Variants in RNF214 observed in about 807,000 individuals in gnomAD.
RNF214 encodes ring finger protein 214.
RNF214 carries 25 observed loss-of-function variants against 75.9 expected under a neutral mutation model. The ratio of observed to expected loss-of-function variants is 0.33; its 90% confidence interval spans 0.24 to 0.46. The LOEUF (loss-of-function observed/expected upper bound fraction) is 0.46, where lower values mean the gene tolerates loss of function less well. Ranked by LOEUF, RNF214 falls within the 20% of genes least tolerant of loss-of-function variation. The pLI is 1.00. For missense variants in RNF214, 725 were observed against 857.5 expected (o/e 0.85, Z 1.93); for synonymous variants, 314 against 308.8 (o/e 1.02, Z -0.18).
intron 6 of RNF214, among the ~76,000 whole-genome samples, chr11:117,252,737 G>C (rs1006905909): frequency 6.6e-6 from 1 of 151,636 alleles, no homozygotes; most frequent in African/African-American, 2.4e-5. Context: ...AGCCAGGATG[G>C]TCTCGCTCTC....
intron 6 of RNF214, 59 bp downstream of exon 6, chr11:117,247,007 C>G: frequency 7.7e-7 from 1 of 1,305,102 alleles, no homozygotes; most frequent in South Asian, 2.1e-5. Context: ...AGGGGCCAGA[C>G]CCGTTTGTAT....
intron 6 of RNF214, among the ~76,000 whole-genome samples, chr11:117,264,955 T>C (rs1339060363): frequency 4.0e-5 from 6 of 151,572 alleles, no homozygotes; most frequent in Non-Finnish European, 8.8e-5. Flanking sequence ...TACTCCCAGC[T>C]ACTTGGGGAG....
chr11:117,256,398 G>T (rs2033522990), intron 6 of RNF214, among the ~76,000 whole-genome samples: 1 of 152,170 alleles, frequency 6.6e-6, no homozygotes, highest in Non-Finnish European at 1.5e-5. Context: ...TCAGATGGAT[G>T]GTTCTGTTGG....
intron 6 of RNF214, among the ~76,000 whole-genome samples, chr11:117,254,382 A>G (rs559488107): frequency 2.2e-4 from 33 of 152,252 alleles, no homozygotes; most frequent in African/African-American, 7.7e-4. Flanking sequence ...CTTATTCCCA[A>G]TAAATTTACA....
intron 8 of RNF214, among the ~76,000 whole-genome samples, chr11:117,280,572 C>T (rs987651578): frequency 6.6e-6 from 1 of 152,064 alleles, no homozygotes; most frequent in East Asian, 1.9e-4. Context: ...TTTGGGAGGT[C>T]GAGGCAGGAG....
chr11:117,252,556 T>C (rs2033422966), intron 6 of RNF214, among the ~76,000 whole-genome samples: 1 of 152,184 alleles, frequency 6.6e-6, no homozygotes, highest in South Asian at 2.1e-4. Context: ...AGTCTTGCTT[T>C]GTCGCCCAGG....
chr11:117,245,898 A>G (rs564999883), intron 5 of RNF214, among the ~76,000 whole-genome samples: 2 of 152,326 alleles, frequency 1.3e-5, no homozygotes, highest in East Asian at 1.9e-4. Flanking sequence ...AAAGCAGTTA[A>G]CACATTGATT....
intron 6 of RNF214, among the ~76,000 whole-genome samples, chr11:117,275,543 A>G (rs983509277): frequency 2.0e-5 from 3 of 152,218 alleles, no homozygotes; most frequent in Admixed American, 2.0e-4. Flanking sequence ...TTAGTCAAAA[A>G]TGAAAATAGA....
intron 6 of RNF214, among the ~76,000 whole-genome samples, chr11:117,270,006 C>G (rs540343382): frequency 6.6e-6 from 1 of 152,204 alleles, no homozygotes; most frequent in South Asian, 2.1e-4. Flanking sequence ...CTCTTCTCTT[C>G]TCTGGTAGTG....
chr11:117,240,528 A>G (rs2033047887), intron 4 of RNF214, among the ~76,000 whole-genome samples: 1 of 151,812 alleles, frequency 6.6e-6, no homozygotes, highest in Non-Finnish European at 1.5e-5. Context: ...TCTCTACTAA[A>G]AATACAAAAA....
intron 6 of RNF214, among the ~76,000 whole-genome samples, chr11:117,251,761 C>G (rs2033400271): frequency 6.6e-6 from 1 of 152,058 alleles, no homozygotes; most frequent in Non-Finnish European, 1.5e-5. Flanking sequence ...ATCAGAAAGG[C>G]TTTTATACTG....
intron 1 of RNF214, among the ~76,000 whole-genome samples, chr11:117,233,771 C>T (rs1206180957): frequency 6.6e-6 from 1 of 152,164 alleles, no homozygotes; most frequent in Non-Finnish European, 1.5e-5. Context: ...CTGGATTGCC[C>T]AGTATTGCAT....
intron 6 of RNF214, chr11:117,263,733 C>G (rs2033731500): frequency 6.3e-6 from 1 of 159,954 alleles, no homozygotes; most frequent in Non-Finnish European, 1.4e-5. Flanking sequence ...AAATTATGGG[C>G]AAGCGAGGGG....
chr11:117,279,124 C>A (rs571571727), intron 6 of RNF214, among the ~76,000 whole-genome samples: 2 of 152,156 alleles, frequency 1.3e-5, no homozygotes, highest in African/African-American at 4.8e-5. Context: ...AAAAAGTGGA[C>A]CCCTGTGTTT....
chr11:117,277,610 A>G (rs1243031248), intron 6 of RNF214, among the ~76,000 whole-genome samples: 1 of 152,218 alleles, frequency 6.6e-6, no homozygotes, highest in East Asian at 1.9e-4. Flanking sequence ...TCTGTTAAGT[A>G]GATTGCTCTC....
intron 6 of RNF214, among the ~76,000 whole-genome samples, chr11:117,265,762 A>G (rs1357692263): frequency 1.3e-5 from 2 of 152,188 alleles, no homozygotes; most frequent in African/African-American, 4.8e-5. Context: ...TATAATTTGT[A>G]TACAAAAACA....
At chr11:117,268,339 A>T (rs1056937322) in intron 6 of RNF214, among the ~76,000 whole-genome samples, 35 of 152,252 alleles carry the variant, frequency 2.3e-4, no homozygotes, top group Admixed American at 2.3e-3. Context: ...TTTCAAAAAG[A>T]TGGCTCCCAG....
chr11:117,255,776 C>T (rs553397004), intron 6 of RNF214, among the ~76,000 whole-genome samples: 4 of 152,120 alleles, frequency 2.6e-5, no homozygotes, highest in Non-Finnish European at 5.9e-5. Context: ...CTTTAGTTTT[C>T]GTAGAGTACC....
intron 6 of RNF214, among the ~76,000 whole-genome samples, chr11:117,254,814 G>A (rs1044423833): frequency 3.3e-5 from 5 of 151,948 alleles, no homozygotes; most frequent in African/African-American, 7.3e-5. Context: ...TATTAGAGAC[G>A]GGGTTTCATC....
Sources: allele counts gnomAD v4.1 joint callset (sites outside exome capture counted in the v4.1 genomes callset), GRCh38; gene constraint gnomAD v4.1.1; transcripts MANE v1.5; gene names NCBI Gene and HGNC (gene_info 2026-07-23, HGNC 2026-07-21).